Variants in GNL2 observed in about 807,000 individuals in gnomAD.
GNL2 encodes nucleolar GTP-binding protein 2.
GNL2 carries 51 observed loss-of-function variants against 92.3 expected under a neutral mutation model. The observed-to-expected ratio is 0.55, with a 90% confidence interval of 0.44 to 0.70. The LOEUF is 0.70. Ranked by LOEUF, GNL2 falls within the 30% of genes least tolerant of loss-of-function variation. The pLI is 0.00. For missense variants in GNL2, 844 were observed against 895.6 expected (o/e 0.94, Z 0.74); for synonymous variants, 283 against 300.6 (o/e 0.94, Z 0.61).
chr1:37,572,754 C>G (rs113341003), intron 12 of GNL2, among the ~76,000 whole-genome samples: 62 of 152,260 alleles, frequency 4.1e-4, no homozygotes, highest in African/African-American at 1.4e-3. Context: ...AATTATCAAA[C>G]CCCAGAACCC....
chr1:37,582,284 G>C lies in GNL2; in HGVS notation c.848C>G (p.Ala283Gly). The C allele has an allele frequency of 3.7e-6, 6 of 1,613,646 alleles. No homozygotes were observed. The highest frequency in any genetic ancestry group is 5.1e-6 in the Non-Finnish European group (6 of 1,179,790). The stretch of plus-strand genomic sequence containing the variant: ...CTTGCCAAACGGGTTAGTAAGGCTT[G>C]CATGGAAAGCAAGTGTTGGATAATC... ...SQDYPTLAFH[A>G]SLTNPFGKGA... The change falls in exon 8 of 16, where the codon GCA becomes GGA. Residue 283 changes from alanine (A) to glycine (G), a missense_variant. Coordinates refer to ENST00000373062, the MANE Select transcript of GNL2 (RefSeq NM_013285.3).
Position 37,592,735 on chromosome 1 carries a change from A to G in GNL2, c.221T>C (p.Val74Ala). The G allele has an allele frequency of 6.3e-7, 1 of 1,597,590 alleles. No individual in the cohort carries two copies. The highest frequency in any genetic ancestry group is 2.2e-5 in the East Asian group (1 of 44,792). The change falls in exon 3 of 16, where the codon GTA becomes GCA. Residue 74 changes from valine to alanine, a missense_variant. Transcript: ENST00000373062. ...ACCAAACCATTTAATATTTGGCTCT[A>G]CTCTTGCCACTGTGCCAGAAGCCAC... ...STVASGTVAR[V>A]EPNIKWFGNT...
At chr1:37,582,441 T>C in intron 7 of GNL2, 105 bp from the exon 8 acceptor site, 5 of 662,912 alleles carry the variant, frequency 7.5e-6, no homozygotes, top group Non-Finnish European at 1.3e-5. Flanking sequence ...TATACTGTTG[T>C]CTAAGGAAAA....
rs145478012 is a variant in GNL2 at position 37,592,281 on chromosome 1, C to A, written c.244+431G>T. On this transcript the variant is annotated intron_variant, in intron 3 of 15. Transcript: ENST00000373062. ...CTGTTGGACAGTTCAACAGTGAGAC[C>A]CTTTAATTGTCACCCAAGTTCAAAT... Among the ~76,000 whole-genome samples the A allele has an allele frequency of 2.0e-3, 309 of 152,238 alleles. 7 individuals are homozygous for A. The East Asian group carries it at 0.045, about 22-fold the overall frequency.
chr1:37,582,885 TTGGATC>T lies in GNL2; in HGVS notation c.682_687del (p.Asp228_Pro229del). 6.2e-7 allele frequency: 1 copy of T among 1,612,640 alleles called. No individual in the cohort carries two copies. The highest frequency in any genetic ancestry group is 1.1e-5 in the South Asian group (1 of 91,020). On this transcript the variant is annotated inframe_deletion, in exon 7 of 16. Transcript: ENST00000373062. ...TCAATGTGAGGGGAACGAGTACCCA[TTGGATC>T]TCTAGCATCAAGAACTTGAACTACA...
intron 2 of GNL2, chr1:37,593,467 T>C (rs2148146033): frequency 3.1e-6 from 1 of 317,882 alleles, no homozygotes; most frequent in South Asian, 7.1e-5. Context: ...TTTTGTTATA[T>C]CTGGCCATAT....
chr1:37,569,912 G>A (rs533021318), intron 12 of GNL2: 1 of 152,430 alleles, frequency 6.6e-6, no homozygotes, highest in East Asian at 1.9e-4. Context: ...CACGAGAGCT[G>A]ATGGTTTTAT....
chr1:37,568,711 C>T lies in GNL2; in HGVS notation c.1868+140G>A, dbSNP rs1643546443. The T allele has an allele frequency of 5.7e-6, 4 of 706,524 alleles. No individual in the cohort carries two copies. In the Admixed American group the frequency reaches 9.8e-5, roughly 17 times the overall value. 43.8% of individuals were successfully genotyped at this position (706,524 alleles called of 1,614,324 possible). On this transcript the variant is annotated intron_variant, in intron 13 of 15. Coordinates refer to ENST00000373062, the MANE Select transcript of GNL2 (RefSeq NM_013285.3). ...TCTAGGCAACATAGCGAGACGCCGT[C>T]TCAAAAAACAAACAAACAAAAAACC...
chr1:37,592,009 T>C (rs1254168346), intron 3 of GNL2, among the ~76,000 whole-genome samples: 1 of 152,200 alleles, frequency 6.6e-6, no homozygotes, highest in Admixed American at 6.5e-5. Context: ...CTGCAGAGTT[T>C]TGACACCTTT....
intron 8 of GNL2, chr1:37,581,600 GA>G (rs1643768795): frequency 2.2e-6 from 1 of 446,840 alleles, no homozygotes; most frequent in South Asian, 1.6e-5. Flanking sequence ...GGCTGAGCAA[GA>G]AAACACTTCA....
In GNL2 at chr1:37,582,845, T is replaced by C; in HGVS notation, c.728A>G (p.Lys243Arg). 6.2e-7 allele frequency: 1 copy of C among 1,613,726 alleles called. No individual in the cohort carries two copies. Among genetic ancestry groups the C allele is most frequent in the South Asian group, 1.1e-5 (1 of 91,068 alleles). ...RSPHIETYLK[K>R]EKPWKHLIFV... ...AATGAGGTGTTTCCAAGGTTTTTCC[T>C]TCTTCAGGTAAGTTTCAATGTGAGG... Residue 243 changes from lysine (K) to arginine (R), a missense_variant, in exon 7 of 16, where the codon AAG becomes AGG. Transcript: ENST00000373062.
At chr1:37,581,907 C>A (rs1452211059) in intron 8 of GNL2, among the ~76,000 whole-genome samples, 3 of 152,154 alleles carry the variant, frequency 2.0e-5, no homozygotes, top group African/African-American at 7.2e-5. Flanking sequence ...TTGTGATCTG[C>A]CTGCCTCGGC....
chr1:37,591,297 CA>C (rs1643885885), intron 3 of GNL2, among the ~76,000 whole-genome samples: 1 of 152,044 alleles, frequency 6.6e-6, no homozygotes, highest in South Asian at 2.1e-4. Flanking sequence ...GACTATTAAC[CA>C]ATGAGTCCAT....
At chr1:37,593,593 A>G (rs538281154) in intron 2 of GNL2, 169 bp downstream of exon 2, 123 of 541,766 alleles carry the variant, frequency 2.3e-4, no homozygotes, top group African/African-American at 1.8e-3. Flanking sequence ...CATGTCCTTA[A>G]CCAAAAGTTA....
chr1:37,595,672 G>C (rs1478813133), intron 1 of GNL2, 87 bp downstream of exon 1: 1 of 1,136,710 alleles, frequency 8.8e-7, no homozygotes, highest in Non-Finnish European at 1.3e-6. Context: ...TGCCACTCGA[G>C]TAACCCTCCT....
At chr1:37,580,319 C>T (rs1643746744) in intron 8 of GNL2, among the ~76,000 whole-genome samples, 1 of 152,112 alleles carries the variant, frequency 6.6e-6, no homozygotes, top group Admixed American at 6.6e-5. Context: ...ATCACAGCCA[C>T]ACAAAGTATG....
chr1:37,592,683 A>G, intron 3 of GNL2, 29 bp downstream of exon 3: 1 of 1,219,036 alleles, frequency 8.2e-7, no homozygotes, highest in Non-Finnish European at 1.2e-6. Flanking sequence ...TATATTTTGT[A>G]GAGCAAAGTA....
chr1:37,573,175 T>C (rs1643620741), intron 12 of GNL2, among the ~76,000 whole-genome samples: 1 of 152,218 alleles, frequency 6.6e-6, no homozygotes, highest in Admixed American at 6.5e-5. Context: ...TTTGATGGTT[T>C]GGGCAGGGAG....
At chr1:37,595,571 T>C (rs774216565) in intron 1 of GNL2, among the ~76,000 whole-genome samples, 188 bp downstream of exon 1, 1 of 152,202 alleles carries the variant, frequency 6.6e-6, no homozygotes. Flanking sequence ...CCCTCCTCAG[T>C]TCCCCCCTGA....
Sources: allele counts gnomAD v4.1 joint callset (sites outside exome capture counted in the v4.1 genomes callset), GRCh38; gene constraint gnomAD v4.1.1; transcripts MANE v1.5; gene names NCBI Gene and HGNC (gene_info 2026-07-23, HGNC 2026-07-21).